Variants in COQ3 observed in about 807,000 individuals in gnomAD.
The protein encoded by COQ3 is ubiquinone biosynthesis O-methyltransferase, mitochondrial.
Under a neutral mutation model 33.1 loss-of-function variants are expected in COQ3, and 29 were observed. The ratio of observed to expected loss-of-function variants is 0.88; its 90% CI spans 0.65 to 1.19. The LOEUF (loss-of-function observed/expected upper bound fraction) is 1.19, where lower values mean the gene tolerates loss of function less well. Among genes scored for constraint, COQ3 ranks in the 50% most tolerant of loss-of-function variants. The probability of loss-of-function intolerance (pLI) is 0.00; values close to 1 mark genes in which losing one functional copy is unlikely to be tolerated. For missense variants in COQ3, 437 were observed against 430.7 expected (o/e 1.01, Z -0.13); for synonymous variants, 173 against 157.8 (o/e 1.10, Z -0.72).
chr6:99,383,648 C>G, intron 2 of COQ3, 50 bp downstream of exon 2: 1 of 1,399,530 alleles, frequency 7.1e-7, no homozygotes, highest in Non-Finnish European at 9.7e-7. Context: ...ATACTAAAAA[C>G]CTATTACATA....
At chr6:99,378,022 G>A (rs1260402054) in intron 3 of COQ3, among the ~76,000 whole-genome samples, 1 of 147,184 alleles carries the variant, frequency 6.8e-6, no homozygotes, top group East Asian at 2.0e-4. Context: ...AGATAATCAC[G>A]GTTAATACTT....
intron 2 of COQ3, 56 bp downstream of exon 2, chr6:99,383,642 T>TA: frequency 1.5e-6 from 2 of 1,359,420 alleles, no homozygotes. Context: ...AAGATAATAC[T>TA]AAAAACCTAT....
chr6:99,382,019 T>C (rs1039409093), intron 2 of COQ3, among the ~76,000 whole-genome samples: 1 of 152,126 alleles, frequency 6.6e-6, no homozygotes, highest in African/African-American at 2.4e-5. Flanking sequence ...TATACCACTT[T>C]GTACTTCTTC....
At chr6:99,387,062 G>C (rs889981206) in intron 1 of COQ3, among the ~76,000 whole-genome samples, 7 of 152,044 alleles carry the variant, frequency 4.6e-5, no homozygotes, top group African/African-American at 1.7e-4. Flanking sequence ...ACAAATAGAA[G>C]AATACAGCAC....
Position 99,369,549 on chromosome 6 carries a change from T to A in COQ3, c.*51A>T. The A allele has an allele frequency of 7.7e-7, 1 of 1,292,614 alleles. No homozygotes were observed. Among genetic ancestry groups the A allele is most frequent in the East Asian group, 2.3e-5 (1 of 42,844 alleles). The allele number at this position is 1,292,614 out of a possible 1,614,324, so 80.1% of individuals were successfully genotyped here. ...AAAGGATAAATTGTACATTTTTGTA[T>A]TTGAAAACATCAGATATCCAAGCCA... On this transcript the variant is annotated 3_prime_UTR_variant, in exon 7 of 7. Coordinates refer to ENST00000254759, the MANE Select transcript of COQ3 (RefSeq NM_017421.4).
At chr6:99,386,037 G>T (rs1237324445) in intron 1 of COQ3, among the ~76,000 whole-genome samples, 1 of 127,182 alleles carries the variant, frequency 7.9e-6, no homozygotes, top group Non-Finnish European at 1.7e-5. Flanking sequence ...AGGAAGAAAG[G>T]CCTCGAATCA....
At chr6:99,390,359 A>G (rs1455147621) in intron 1 of COQ3, among the ~76,000 whole-genome samples, 3 of 139,262 alleles carry the variant, frequency 2.2e-5, no homozygotes, top group Non-Finnish European at 3.1e-5. Context: ...TTTGAGACGG[A>G]GTCTTGCTCT....
intron 5 of COQ3, among the ~76,000 whole-genome samples, chr6:99,374,768 TGA>T (rs1336586316): frequency 1.3e-5 from 2 of 152,188 alleles, no homozygotes; most frequent in African/African-American, 4.8e-5. Context: ...TGATAAATCC[TGA>T]GTCCTCGTAG....
chr6:99,385,315 G>C (rs1244134891), intron 1 of COQ3, among the ~76,000 whole-genome samples: 2 of 152,168 alleles, frequency 1.3e-5, no homozygotes, highest in African/African-American at 4.8e-5. Context: ...TACTTAAAAT[G>C]TGTGAAACAC....
chr6:99,374,247 C>CTA (rs1190013475), intron 5 of COQ3, among the ~76,000 whole-genome samples: 1 of 151,876 alleles, frequency 6.6e-6, no homozygotes, highest in Non-Finnish European at 1.5e-5. Context: ...AGGGCTAGAA[C>CTA]TATAATGAGG....
chr6:99,381,783 A>G (rs1048744814), intron 2 of COQ3, among the ~76,000 whole-genome samples: 2 of 151,996 alleles, frequency 1.3e-5, no homozygotes, highest in African/African-American at 4.8e-5. Flanking sequence ...AAAATTAGCC[A>G]GGTGTGGTGG....
At position 99,380,241 on chromosome 6, in the gene COQ3, C is replaced by T. The variant is rs267601176; in HGVS notation, c.334G>A (p.Gly112Arg). ...ATGGAATGAAGAGGTGCATATACTC[C>T]TTGTTCATCCCACCATTTGTGAGCC... ...ALAHKWWDEQ[G>R]VYAPLHSMND... Residue 112 changes from glycine (G) to arginine (R), a missense_variant, in exon 3 of 7, where the codon GGA becomes AGA. Physicochemically the swap from Gly to Arg is moderately radical, Grantham distance 125. Coordinates refer to ENST00000254759, the MANE Select transcript of COQ3 (RefSeq NM_017421.4). The T allele has an allele frequency of 2.5e-6, 4 of 1,613,946 alleles. No individual in the cohort carries two copies. The South Asian group carries it at 4.4e-5, about 18-fold the overall frequency.
At chr6:99,392,125 C>A (rs1270118198) in intron 1 of COQ3, among the ~76,000 whole-genome samples, 1 of 152,180 alleles carries the variant, frequency 6.6e-6, no homozygotes, top group Non-Finnish European at 1.5e-5. Context: ...TACCTTGAAT[C>A]TGTGATCATC....
intron 3 of COQ3, 121 bp from the exon 4 acceptor site, chr6:99,377,606 T>A (rs997346828): frequency 1.1e-4 from 60 of 568,152 alleles, no homozygotes; most frequent in South Asian, 6.0e-4. Flanking sequence ...TCATTTTTTT[T>A]ATAAATAGAT....
intron 4 of COQ3, among the ~76,000 whole-genome samples, chr6:99,377,016 G>GTA (rs1562203769): frequency 6.8e-6 from 1 of 146,834 alleles, no homozygotes; most frequent in African/African-American, 2.5e-5. Context: ...GTGTGTGTGT[G>GTA]TGTGTGTATG....
chr6:99,380,844 T>C (rs1232006640), intron 2 of COQ3, among the ~76,000 whole-genome samples: 1 of 151,836 alleles, frequency 6.6e-6, no homozygotes, highest in Non-Finnish European at 1.5e-5. Flanking sequence ...GAGGTGGAGG[T>C]TGCAGTGAGT....
chr6:99,387,541 C>T (rs1774686040), intron 1 of COQ3, among the ~76,000 whole-genome samples: 2 of 152,072 alleles, frequency 1.3e-5, no homozygotes, highest in African/African-American at 4.8e-5. Flanking sequence ...TAACAAAATC[C>T]ATATCCATTA....
intron 1 of COQ3, among the ~76,000 whole-genome samples, chr6:99,389,570 C>A (rs1182606025): frequency 6.6e-6 from 1 of 152,100 alleles, no homozygotes; most frequent in East Asian, 1.9e-4. Context: ...TATAAACAAC[C>A]AATCCTACTA....
chr6:99,369,852 T>G (rs1774077643), intron 6 of COQ3, 32 bp from the exon 7 acceptor site: 14 of 1,383,680 alleles, frequency 1.0e-5, no homozygotes, highest in Non-Finnish European at 1.2e-5. Context: ...AAGAGTAGAT[T>G]TAATAAATAT....
Sources: gnomAD v4.1 joint callset for allele counts (sites outside exome capture counted in the v4.1 genomes callset) on GRCh38, gnomAD v4.1.1 for gene constraint, MANE v1.5 for transcripts, NCBI Gene and HGNC (gene_info 2026-07-23, HGNC 2026-07-21) for gene names.